The following TENM1 variants were observed in gnomAD, a reference collection of about 807,000 sequenced individuals.
TENM1 encodes teneurin-1.
In TENM1, 35 loss-of-function variants were observed where a neutral mutation model predicts 174.8. The ratio of observed to expected loss-of-function variants is 0.20; its 90% confidence interval spans 0.15 to 0.27. The LOEUF (loss-of-function observed/expected upper bound fraction) is 0.27, where lower values mean the gene tolerates loss of function less well. Ranked by LOEUF, TENM1 falls within the 10% of genes least tolerant of loss-of-function variation. TENM1 has a pLI of 1.00. For missense variants in TENM1, 1,633 were observed against 2,130.1 expected, an observed-to-expected ratio of 0.77 and a Z score of 4.59; for synonymous variants, 781 against 798.7, an observed-to-expected ratio of 0.98 and a Z score of 0.37.
At chrX:125,127,713 G>A in the TENM1 span, among the ~76,000 whole-genome samples, 104 of 110,991 alleles carry the variant, frequency 9.4e-4, no homozygotes, top group African/African-American at 3.2e-3. Flanking sequence ...TAACCACTTA[G>A]GTAAAAGGGA....
chrX:124,701,264 C>T (rs2052768756), intron 5 of TENM1, among the ~76,000 whole-genome samples: 1 of 111,384 alleles, frequency 9.0e-6, no homozygotes, highest in African/African-American at 3.3e-5. Context: ...CCAGAAACCC[C>T]TACTCTTCAG....
intron 1 of TENM1, among the ~76,000 whole-genome samples, chrX:124,898,668 A>C (rs1456507813): frequency 9.0e-6 from 1 of 111,729 alleles, no homozygotes; most frequent in African/African-American, 3.2e-5. Context: ...AAAACACCAG[A>C]TAAAGTTTTT....
chrX:124,853,811 A>AT lies in TENM1; in HGVS notation c.535+40484dup, dbSNP rs767345084. On this transcript the variant is annotated intron_variant, in intron 3 of 31. Coordinates refer to ENST00000422452, the Ensembl canonical transcript of TENM1. ...CTGGCACCAGTCAATCAGGTATGTGATTTTCTTTGGCAGAAGCAGTATAAT... is the reference window on the plus strand; with the variant it reads ...CTGGCACCAGTCAATCAGGTATGTGATTTTTCTTTGGCAGAAGCAGTATAAT... Among the ~76,000 whole-genome samples the AT allele has an allele frequency of 1.3e-4, 14 of 110,734 alleles. No homozygotes were observed. The East Asian group carries it at 3.7e-3, about 29-fold the overall frequency.
At chrX:125,179,460 A>G in the TENM1 span, among the ~76,000 whole-genome samples, 1 of 108,406 alleles carries the variant, frequency 9.2e-6, no homozygotes, top group Non-Finnish European at 1.9e-5. Flanking sequence ...CAAAAAAAAA[A>G]TAATAAAGAT....
chrX:124,579,698 T>C (rs894489063), intron 11 of TENM1, among the ~76,000 whole-genome samples: 19 of 112,425 alleles, frequency 1.7e-4, no homozygotes, highest in Non-Finnish European at 2.8e-4. Context: ...CCTTTTTTTC[T>C]CTTTCACACA....
the TENM1 span, among the ~76,000 whole-genome samples, chrX:125,161,291 T>C: frequency 8.9e-6 from 1 of 111,841 alleles, no homozygotes; most frequent in Non-Finnish European, 1.9e-5. Flanking sequence ...TTACTTATAA[T>C]ACCTAATATA....
At chrX:125,021,216 C>T in the TENM1 span, among the ~76,000 whole-genome samples, 126 of 97,378 alleles carry the variant, frequency 1.3e-3, 1 homozygote, top group Admixed American at 2.2e-3. Context: ...GAATTAAAGA[C>T]AATTTTTTTT....
chrX:124,952,842 A>G (rs1443771136), intron 1 of TENM1, among the ~76,000 whole-genome samples: 1 of 111,725 alleles, frequency 9.0e-6, no homozygotes, highest in South Asian at 3.7e-4. Context: ...AAAACTAAAT[A>G]CTTCATGTGT....
At chrX:124,476,519 C>T (rs2147922847) in intron 22 of TENM1, among the ~76,000 whole-genome samples, 1 of 111,890 alleles carries the variant, frequency 8.9e-6, no homozygotes, top group East Asian at 2.8e-4. Context: ...AAGTTCTGCT[C>T]CTGCTGAGTT....
chrX:125,171,467 A>C, the TENM1 span, among the ~76,000 whole-genome samples: 1 of 110,745 alleles, frequency 9.0e-6, no homozygotes, highest in Non-Finnish European at 1.9e-5. Flanking sequence ...CCCCCACTCT[A>C]AATTCGTATG....
chrX:124,477,749 CAAAAA>C (rs58693858), intron 22 of TENM1, among the ~76,000 whole-genome samples: 1 of 45,188 alleles, frequency 2.2e-5, no homozygotes. Context: ...GACTTCGTCT[CAAAAA>C]AAAAAAAAAA....
At chrX:125,047,048 G>T in the TENM1 span, among the ~76,000 whole-genome samples, 1 of 111,133 alleles carries the variant, frequency 9.0e-6, no homozygotes, top group Non-Finnish European at 1.9e-5. Flanking sequence ...TTCCTGTTTA[G>T]TAGATGTTTA....
At chrX:125,135,074 C>T in the TENM1 span, among the ~76,000 whole-genome samples, 1 of 111,591 alleles carries the variant, frequency 9.0e-6, no homozygotes, top group Non-Finnish European at 1.9e-5. Context: ...TCTCCTTTAT[C>T]TGAATTCATT....
At chrX:124,620,394 C>T (rs897129104) in intron 11 of TENM1, among the ~76,000 whole-genome samples, 2 of 111,443 alleles carry the variant, frequency 1.8e-5, no homozygotes, top group African/African-American at 6.5e-5. Context: ...CCCAATTTAG[C>T]AAAAAACACT....
chrX:124,843,088 C>T (rs2056535303), intron 3 of TENM1, among the ~76,000 whole-genome samples: 1 of 111,278 alleles, frequency 9.0e-6, no homozygotes, highest in African/African-American at 3.3e-5. Flanking sequence ...TTTCTGCTGT[C>T]ATTCAGAGTA....
chrX:124,715,560 G>A (rs1258222224), intron 4 of TENM1, among the ~76,000 whole-genome samples: 2 of 110,613 alleles, frequency 1.8e-5, no homozygotes, highest in Non-Finnish European at 3.8e-5. Context: ...AGGGGGTAGT[G>A]GGCAGAGTAT....
At chrX:124,378,255 T>A (rs778752336) in exon 32 of TENM1, 1 of 112,545 alleles carries the variant, frequency 8.9e-6, no homozygotes, top group South Asian at 3.7e-4. Flanking sequence ...AAATGATACA[T>A]CATCAATGAA....
intron 3 of TENM1, among the ~76,000 whole-genome samples, chrX:124,742,033 T>C (rs1373066724): frequency 8.9e-6 from 1 of 112,092 alleles, no homozygotes; most frequent in Admixed American, 9.4e-5. Context: ...TAAAAATAAA[T>C]ATTGTCAGTA....
the TENM1 span, among the ~76,000 whole-genome samples, chrX:125,153,406 A>G: frequency 2.7e-5 from 3 of 112,501 alleles, no homozygotes; most frequent in Admixed American, 9.4e-5. Flanking sequence ...TAAATTCCTC[A>G]GGCAATACTG....
Sources: gnomAD v4.1 joint callset for allele counts (sites outside exome capture counted in the v4.1 genomes callset) on GRCh38, gnomAD v4.1.1 for gene constraint, MANE v1.5 for transcripts, NCBI Gene and HGNC (gene_info 2026-07-23, HGNC 2026-07-21) for gene names.